Variants in MYO18B observed in about 807,000 individuals in gnomAD.
MYO18B encodes myosin XVIIIB.
Under a neutral mutation model 273.0 loss-of-function variants are expected in MYO18B, and 204 were observed. The ratio of observed to expected loss-of-function variants is 0.75; its 90% confidence interval spans 0.67 to 0.84. The LOEUF (loss-of-function observed/expected upper bound fraction) is 0.84, where lower values mean the gene tolerates loss of function less well. Ranked by LOEUF, MYO18B falls within the 40% of genes least tolerant of loss-of-function variation. The pLI is 0.00. For synonymous variants in MYO18B, 1,330 were observed against 1,305.7 expected (o/e 1.02, Z -0.40); for missense variants, 3,212 against 3,287.6 (o/e 0.98, Z 0.56).
chr22:25,937,821 G>T (rs1205480196), intron 34 of MYO18B, among the ~76,000 whole-genome samples: 2 of 152,110 alleles, frequency 1.3e-5, no homozygotes, highest in African/African-American at 2.4e-5. Flanking sequence ...CTGACCTCAG[G>T]TGATCTGCAT....
chr22:26,059,288 A>T, the MYO18B span, among the ~76,000 whole-genome samples: 1 of 152,332 alleles, frequency 6.6e-6, no homozygotes, highest in Non-Finnish European at 1.5e-5. Flanking sequence ...TCTTGGAAGC[A>T]TTAGCAAATG....
At chr22:26,003,417 A>T (rs1934156455) in intron 41 of MYO18B, 108 bp downstream of exon 41, 7 of 960,886 alleles carry the variant, frequency 7.3e-6, no homozygotes, top group Non-Finnish European at 1.1e-5. Flanking sequence ...ATTATCAGTG[A>T]TGCCCATGAG....
At chr22:25,929,900 G>A (rs940735764) in intron 34 of MYO18B, among the ~76,000 whole-genome samples, 1 of 152,082 alleles carries the variant, frequency 6.6e-6, no homozygotes, top group Non-Finnish European at 1.5e-5. Flanking sequence ...ACGCAAAGTC[G>A]GTTCTTTGTG....
chr22:26,014,991 C>A (rs1165776106), intron 42 of MYO18B, among the ~76,000 whole-genome samples: 1 of 151,456 alleles, frequency 6.6e-6, no homozygotes, highest in African/African-American at 2.4e-5. Flanking sequence ...AATATTTTCT[C>A]CCATTCTGTA....
At chr22:25,899,961 GTTCTACT>G (rs2091898358) in intron 29 of MYO18B, 1 of 152,234 alleles carries the variant, frequency 6.6e-6, no homozygotes, top group African/African-American at 2.4e-5. Context: ...CCAACTATGG[GTTCTACT>G]CCTGTTCTGA....
intron 22 of MYO18B, among the ~76,000 whole-genome samples, chr22:25,872,566 C>T (rs1001595285): frequency 6.6e-6 from 1 of 152,160 alleles, no homozygotes; most frequent in Non-Finnish European, 1.5e-5. Context: ...ATGTAATGTT[C>T]ATGCTATTCA....
chr22:25,765,881 G>A (rs1324922487), intron 3 of MYO18B, among the ~76,000 whole-genome samples: 1 of 152,174 alleles, frequency 6.6e-6, no homozygotes, highest in Non-Finnish European at 1.5e-5. Flanking sequence ...TCAATATGGT[G>A]TAGACAGTGG....
chr22:26,063,314 C>T, the MYO18B span, among the ~76,000 whole-genome samples: 7 of 152,228 alleles, frequency 4.6e-5, no homozygotes, highest in African/African-American at 1.4e-4. Flanking sequence ...GAGAAGAACC[C>T]GATGCGTGAA....
At chr22:25,833,577 A>AT (rs1347043294) in intron 16 of MYO18B, among the ~76,000 whole-genome samples, 2 of 152,034 alleles carry the variant, frequency 1.3e-5, no homozygotes, top group South Asian at 2.1e-4. Context: ...ATTTCACTTG[A>AT]TTTTTTTGTC....
intron 3 of MYO18B, among the ~76,000 whole-genome samples, chr22:25,767,425 A>C (rs1191909961): frequency 2.0e-5 from 3 of 152,188 alleles, no homozygotes; most frequent in African/African-American, 4.8e-5. Context: ...AGCTCGGTTT[A>C]TTCTTCTCTC....
the MYO18B span, among the ~76,000 whole-genome samples, chr22:26,048,371 A>G: frequency 1.3e-5 from 2 of 152,168 alleles, no homozygotes; most frequent in East Asian, 3.9e-4. Flanking sequence ...AAGTCCCAAG[A>G]TCAAGCTTTA....
chr22:25,810,243 G>A (rs905363395), intron 12 of MYO18B, among the ~76,000 whole-genome samples: 15 of 151,184 alleles, frequency 9.9e-5, no homozygotes, highest in Non-Finnish European at 1.6e-4. Flanking sequence ...GACTACAGGC[G>A]CCCACCACCA....
chr22:25,844,378 G>GTGCA (rs1229032524), intron 18 of MYO18B, among the ~76,000 whole-genome samples: 2 of 152,112 alleles, frequency 1.3e-5, no homozygotes, highest in African/African-American at 4.8e-5. Context: ...GTGTGTGTGT[G>GTGCA]TGCATGCACA....
chr22:25,942,628 G>A (rs6004845), intron 34 of MYO18B, among the ~76,000 whole-genome samples: 2,166 of 152,266 alleles, frequency 0.014, 44 homozygotes, highest in African/African-American at 0.049. Context: ...CCCTCTGTGT[G>A]TCTCAGAGTC....
intron 12 of MYO18B, among the ~76,000 whole-genome samples, chr22:25,822,102 GA>G (rs2089303689): frequency 6.6e-6 from 1 of 152,134 alleles, no homozygotes; most frequent in Non-Finnish European, 1.5e-5. Flanking sequence ...GCTCTCCATT[GA>G]TTCTTTAATC....
At chr22:26,029,690 T>C (rs1936551975) in intron 43 of MYO18B, among the ~76,000 whole-genome samples, 1 of 152,100 alleles carries the variant, frequency 6.6e-6, no homozygotes, top group Non-Finnish European at 1.5e-5. Context: ...ACGATGCAAA[T>C]GCATGGTGGG....
chr22:25,813,184 CTTTT>C (rs66708568), intron 12 of MYO18B, among the ~76,000 whole-genome samples: 5 of 98,602 alleles, frequency 5.1e-5, no homozygotes, highest in Non-Finnish European at 6.1e-5. Context: ...CTTCTTCTTC[CTTTT>C]TTTTTTTTTT....
intron 33 of MYO18B, among the ~76,000 whole-genome samples, chr22:25,916,488 G>A (rs1601566017): frequency 1.3e-5 from 2 of 151,938 alleles, no homozygotes; most frequent in East Asian, 3.9e-4. Context: ...CATTTACCTG[G>A]AATTGCTGTT....
chr22:25,772,658 CCTGTGGCATG>C, intron 7 of MYO18B, 148 bp downstream of exon 7: 1 of 784,164 alleles, frequency 1.3e-6, no homozygotes. Flanking sequence ...ATTGTGGCAT[CCTGTGGCATG>C]GACCATGAGA....
Sources: gnomAD v4.1 joint callset for allele counts (sites outside exome capture counted in the v4.1 genomes callset) on GRCh38, gnomAD v4.1.1 for gene constraint, MANE v1.5 for transcripts, NCBI Gene and HGNC (gene_info 2026-07-23, HGNC 2026-07-21) for gene names.